Variants in RAB37 observed in about 807,000 individuals in gnomAD.
RAB37 encodes ras-related protein Rab-37.
RAB37 carries 29 observed loss-of-function variants against 33.1 expected under a neutral mutation model. The ratio of observed to expected loss-of-function variants is 0.88; its 90% CI spans 0.65 to 1.20. The LOEUF (loss-of-function observed/expected upper bound fraction) is 1.20, where lower values mean the gene tolerates loss of function less well. Among genes scored for constraint, RAB37 ranks in the 50% most tolerant of loss-of-function variants. RAB37 has a pLI of 0.00. For missense variants in RAB37, 299 were observed against 301.1 expected, an observed-to-expected ratio of 0.99 and a Z score of 0.05; for synonymous variants, 128 against 119.5, an observed-to-expected ratio of 1.07 and a Z score of -0.47.
chr17:74,683,410 T>A (rs1418427160), intron 1 of RAB37, among the ~76,000 whole-genome samples: 2 of 152,220 alleles, frequency 1.3e-5, no homozygotes, highest in Admixed American at 6.5e-5. Flanking sequence ...TGGAGACGCC[T>A]GAATTTTTCC....
intron 1 of RAB37, among the ~76,000 whole-genome samples, chr17:74,718,936 AG>A (rs1598303054): frequency 6.6e-6 from 1 of 152,188 alleles, no homozygotes; most frequent in African/African-American, 2.4e-5. Context: ...ATTTTAATAC[AG>A]GAAAAACATA....
At chr17:74,677,164 TAAAATTAAA>T (rs1336512209) in intron 1 of RAB37, among the ~76,000 whole-genome samples, 1 of 151,758 alleles carries the variant, frequency 6.6e-6, no homozygotes, top group Non-Finnish European at 1.5e-5. Flanking sequence ...CAAAAAAAAT[TAAAATTAAA>T]AAATAAAAAA....
chr17:74,729,134 T>C lies in RAB37; in HGVS notation c.73-122T>C, dbSNP rs2034352206. The C allele has an allele frequency of 2.8e-6, 2 of 713,812 alleles. No individual in the cohort carries two copies. The highest frequency in any genetic ancestry group is 2.0e-5 in the Admixed American group (1 of 50,758). The allele number at this position is 713,812 out of a possible 1,614,324, so 44.2% of individuals were successfully genotyped here. On this transcript the variant is annotated intron_variant, in intron 1 of 7. Transcript: ENST00000340415. The surrounding 1 kb of genome is among the most constrained non-coding windows in gnomAD (Gnocchi z 4.2). The stretch of plus-strand genomic sequence containing the variant: ...TGTCTTGTGTGTGTGTGTTTCTGTG[T>C]GTGTGTGTGCATGTTGTGCACATGC...
chr17:74,744,206 C>CGT lies in RAB37; in HGVS notation c.367-99_367-98dup. 1 of 1,107,250 alleles carries CGT rather than the reference C, an allele frequency of 9.0e-7. No homozygotes were observed. The highest frequency in any genetic ancestry group is 1.3e-6 in the Non-Finnish European group (1 of 753,832). 68.6% of individuals were successfully genotyped at this position (1,107,250 alleles called of 1,614,324 possible). A position where few individuals can be genotyped will look rare whatever the true frequency, so the allele number is the denominator to read the frequency against. ...ACAGATGAGAGAACGCACAGGGTAT[C>CGT]GTGTTCAAGGTAGTGAGTAACTGAG... On this transcript the variant is annotated intron_variant, in intron 5 of 8. Coordinates refer to ENST00000392613, the MANE Select transcript of RAB37 (RefSeq NM_001006638.3). The surrounding 1 kb of genome is among the most constrained non-coding windows in gnomAD (Gnocchi z 4.2).
intron 1 of RAB37, among the ~76,000 whole-genome samples, chr17:74,688,803 T>C (rs2032103879): frequency 6.6e-6 from 1 of 152,168 alleles, no homozygotes; most frequent in Non-Finnish European, 1.5e-5. Context: ...ATCAGGTGGC[T>C]TCATAAGTTT....
chr17:74,694,857 A>T lies in RAB37; in HGVS notation c.72+23199A>T, dbSNP rs544445034. 3.6e-5 allele frequency: 15 copies of T among 417,390 alleles called. 1 individual carries two copies. In the South Asian group the frequency reaches 1.0e-3, roughly 28 times the overall value. The allele number at this position is 417,390 out of a possible 1,614,324, so 25.9% of individuals were successfully genotyped here. On this transcript the variant is annotated intron_variant, in intron 1 of 7. Coordinates refer to the RAB37 transcript ENST00000340415. ...ATCATTCCCATGAAAGCCCCAGAGCATATCCCTAGCCCCCTCCTCAACTAT... is the reference window on the plus strand; with the variant it reads ...ATCATTCCCATGAAAGCCCCAGAGCTTATCCCTAGCCCCCTCCTCAACTAT...
At chr17:74,698,885 G>C (rs752275594) in intron 1 of RAB37, among the ~76,000 whole-genome samples, 1 of 152,042 alleles carries the variant, frequency 6.6e-6, no homozygotes, top group East Asian at 1.9e-4. Context: ...TAAAATTTAA[G>C]AATTTTAACA....
At chr17:74,684,742 A>T (rs751810700) in intron 1 of RAB37, among the ~76,000 whole-genome samples, 2 of 152,158 alleles carry the variant, frequency 1.3e-5, no homozygotes, top group Non-Finnish European at 2.9e-5. Context: ...GTGAGCCAAG[A>T]TTGTGCCACT....
intron 1 of RAB37, chr17:74,672,726 G>A (rs2031733561): frequency 6.6e-6 from 1 of 152,210 alleles, no homozygotes; most frequent in African/African-American, 2.4e-5. Flanking sequence ...TCATCAAAGT[G>A]TGCAGTCCAT....
rs543237334 is a variant in RAB37, at chr17:74,686,398, T to C, written c.72+14740T>C. 6.7e-4 allele frequency among the ~76,000 whole-genome samples: 101 copies of C among 150,930 alleles called. 1 individual carries two copies. Among genetic ancestry groups the C allele is most frequent in the Admixed American group, 3.1e-3 (47 of 15,200 alleles). ...GTGAGCCACCAAGCCCGGCCTATTA[T>C]TATTATTTTTGAGATGGAGTCTCGC... On this transcript the variant is annotated intron_variant, in intron 1 of 7. Transcript: ENST00000340415.
intron 1 of RAB37, chr17:74,704,741 C>T (rs1322832182): frequency 1.2e-6 from 2 of 1,614,212 alleles, no homozygotes; most frequent in South Asian, 2.2e-5. Flanking sequence ...TCTGTAAACA[C>T]ACTGCACGGT....
chr17:74,723,539 G>A (rs1468481462), intron 1 of RAB37, among the ~76,000 whole-genome samples: 1 of 151,122 alleles, frequency 6.6e-6, no homozygotes, highest in African/African-American at 2.4e-5. Flanking sequence ...TGGCAAAGTT[G>A]ACCCAGAGGT....
upstream of RAB37, among the ~76,000 whole-genome samples, chr17:74,734,559 C>A (rs932638348): frequency 1.3e-5 from 2 of 152,278 alleles, no homozygotes; most frequent in East Asian, 1.9e-4. Context: ...AAACCCGCAT[C>A]CTGGCTGGGC....
chr17:74,716,440 G>T (rs759325042), intron 1 of RAB37, among the ~76,000 whole-genome samples: 2 of 152,134 alleles, frequency 1.3e-5, no homozygotes, highest in African/African-American at 4.8e-5. Context: ...CCATTCCTGA[G>T]CCCTTTTAGT....
At chr17:74,713,825 G>T (rs1050371317) in intron 1 of RAB37, among the ~76,000 whole-genome samples, 2 of 149,412 alleles carry the variant, frequency 1.3e-5, no homozygotes, top group Admixed American at 6.8e-5. Context: ...CACTTTAGGA[G>T]GCTGAGGCAG....
chr17:74,737,138 G>C (rs1191071440), upstream of RAB37: 3 of 1,588,284 alleles, frequency 1.9e-6, no homozygotes, highest in Middle Eastern at 1.7e-4. Context: ...GTGTCGTCGA[G>C]GGGGCGACGG....
intron 1 of RAB37, among the ~76,000 whole-genome samples, chr17:74,720,818 T>C (rs1046823102): frequency 6.6e-6 from 1 of 151,990 alleles, no homozygotes; most frequent in Non-Finnish European, 1.5e-5. Context: ...CCAGGAAGAA[T>C]CAGGTCACAT....
chr17:74,697,981 T>C (rs1216442319), intron 1 of RAB37, among the ~76,000 whole-genome samples: 1 of 152,120 alleles, frequency 6.6e-6, no homozygotes, highest in Non-Finnish European at 1.5e-5. Context: ...TCCCTCCCCA[T>C]TCCATGTCAG....
chr17:74,681,472 C>T (rs1335906723), intron 1 of RAB37, among the ~76,000 whole-genome samples: 2 of 152,168 alleles, frequency 1.3e-5, no homozygotes, highest in African/African-American at 4.8e-5. Context: ...TGGCAGAGTC[C>T]AACACATAGA....
Sources: gnomAD v4.1 joint callset for allele counts (sites outside exome capture counted in the v4.1 genomes callset) on GRCh38, gnomAD v4.1.1 for gene constraint, Gnocchi (gnomAD v3.1) non-coding constraint, MANE v1.5 for transcripts, NCBI Gene and HGNC (gene_info 2026-07-23, HGNC 2026-07-21) for gene names.